Variants in SNX29 observed in about 807,000 individuals in gnomAD.
The protein encoded by SNX29 is sorting nexin 29.
SNX29 carries 78 observed loss-of-function variants against 102.1 expected under a neutral mutation model. The ratio of observed to expected loss-of-function variants is 0.76; its 90% CI spans 0.64 to 0.92. The LOEUF (loss-of-function observed/expected upper bound fraction) is 0.92, where lower values mean the gene tolerates loss of function less well. SNX29 is among the 40% of genes least tolerant of loss of function. The pLI, the probability that SNX29 is intolerant of heterozygous loss-of-function variation, is 0.00. For synonymous variants in SNX29, 580 were observed against 414.5 expected (o/e 1.40, Z -4.85); for missense variants, 1,280 against 1,061.7 (o/e 1.21, Z -2.86).
At chr16:12,337,294 G>A (rs1321013583) in intron 15 of SNX29, among the ~76,000 whole-genome samples, 1 of 151,924 alleles carries the variant, frequency 6.6e-6, no homozygotes, top group East Asian at 1.9e-4. Context: ...AGGTATAAAT[G>A]GTAACGGGAA....
intron 20 of SNX29, among the ~76,000 whole-genome samples, chr16:12,561,725 G>T (rs1321474628): frequency 6.6e-6 from 1 of 152,186 alleles, no homozygotes; most frequent in East Asian, 1.9e-4. Context: ...TAAGTTGCTA[G>T]CAGCAGGGAG....
intron 19 of SNX29, among the ~76,000 whole-genome samples, chr16:12,524,342 C>G (rs745567828): frequency 6.6e-6 from 1 of 151,802 alleles, no homozygotes; most frequent in Admixed American, 6.6e-5. Context: ...TTGTGTCTCC[C>G]TCGCTGGCCT....
intron 14 of SNX29, among the ~76,000 whole-genome samples, chr16:12,269,338 T>G (rs947894459): frequency 1.3e-5 from 2 of 152,162 alleles, no homozygotes; most frequent in African/African-American, 2.4e-5. Context: ...ATCTTCACAT[T>G]TGGCACGAGA....
intron 13 of SNX29, among the ~76,000 whole-genome samples, chr16:12,159,219 C>G (rs2055680032): frequency 6.6e-6 from 1 of 152,224 alleles, no homozygotes; most frequent in African/African-American, 2.4e-5. Flanking sequence ...GTTGATCTCT[C>G]TGCCTAATCC....
chr16:11,979,299 A>AAAAAAAG (rs2055366641), intron 1 of SNX29, among the ~76,000 whole-genome samples: 6 of 148,962 alleles, frequency 4.0e-5, no homozygotes, highest in Admixed American at 6.7e-5. Context: ...AAAAAAAAAA[A>AAAAAAAG]TCGTTACATC....
intron 19 of SNX29, among the ~76,000 whole-genome samples, chr16:12,507,959 G>A (rs1247290338): frequency 6.6e-6 from 1 of 152,186 alleles, no homozygotes; most frequent in Non-Finnish European, 1.5e-5. Context: ...AAACAAAGGT[G>A]CAAATGGGAC....
At chr16:12,218,820 T>G (rs1159437886) in intron 14 of SNX29, among the ~76,000 whole-genome samples, 3 of 152,112 alleles carry the variant, frequency 2.0e-5, no homozygotes, top group Admixed American at 6.6e-5. Flanking sequence ...TGTTGCCCAG[T>G]CTGGAGTGCA....
At chr16:12,061,683 AGC>A (rs1326547209) in intron 9 of SNX29, 37 bp downstream of exon 9, 1 of 1,561,416 alleles carries the variant, frequency 6.4e-7, no homozygotes, top group East Asian at 2.3e-5. Context: ...CTCCAATAAG[AGC>A]TTTGGCTTCG....
At chr16:12,268,548 T>C (rs765103444) in intron 14 of SNX29, among the ~76,000 whole-genome samples, 6 of 152,174 alleles carry the variant, frequency 3.9e-5, no homozygotes, top group Non-Finnish European at 8.8e-5. Context: ...AACCGGTGTC[T>C]TGTAGACATC....
intron 1 of SNX29, among the ~76,000 whole-genome samples, chr16:11,978,656 C>G (rs747849236): frequency 3.9e-5 from 6 of 152,132 alleles, no homozygotes; most frequent in Non-Finnish European, 8.8e-5. Flanking sequence ...TTACTATGAC[C>G]AAGGAGTCTT....
intron 16 of SNX29, among the ~76,000 whole-genome samples, chr16:12,382,038 A>G (rs934669704): frequency 7.9e-5 from 12 of 152,038 alleles, no homozygotes; most frequent in Non-Finnish European, 2.9e-5. Flanking sequence ...TATGTCTTCA[A>G]GCAGCTTCCA....
At chr16:12,204,403 G>A (rs1180817982) in intron 14 of SNX29, among the ~76,000 whole-genome samples, 1 of 152,192 alleles carries the variant, frequency 6.6e-6, no homozygotes, top group Non-Finnish European at 1.5e-5. Context: ...GTCTTTCCAA[G>A]TACAGTGTCT....
intron 20 of SNX29, among the ~76,000 whole-genome samples, chr16:12,537,816 C>G (rs897352786): frequency 6.6e-6 from 1 of 151,724 alleles, no homozygotes; most frequent in Non-Finnish European, 1.5e-5. Context: ...GAGGTGTGTC[C>G]ACAGCATATA....
intron 19 of SNX29, among the ~76,000 whole-genome samples, chr16:12,507,202 C>T (rs914894046): frequency 3.3e-5 from 5 of 152,224 alleles, no homozygotes; most frequent in Admixed American, 1.3e-4. Flanking sequence ...GATTGAAGCA[C>T]AGAGGGTCTG....
rs77913183 is a variant in SNX29 at position 12,529,459 on chromosome 16, A to G, written c.2318+4618A>G. The stretch of plus-strand genomic sequence containing the variant: ...ATTCGCTCAGTGAGACTGGACCGCA[A>G]ATCGGTGACAGCTTCAGTGATTTGC... On this transcript the variant is annotated intron_variant, in intron 20 of 20. Coordinates refer to ENST00000566228, the MANE Select transcript of SNX29 (RefSeq NM_032167.5). Among the ~76,000 whole-genome samples the G allele has an allele frequency of 4.5e-3, 684 of 152,286 alleles. 8 individuals are homozygous for G. Among genetic ancestry groups the G allele is most frequent in the Middle Eastern group, 0.031 (9 of 294 alleles).
intron 14 of SNX29, among the ~76,000 whole-genome samples, chr16:12,216,710 T>A (rs2077333701): frequency 6.8e-6 from 1 of 147,710 alleles, no homozygotes; most frequent in Non-Finnish European, 1.5e-5. Flanking sequence ...CCATGTGCCC[T>A]CCCCACCCCA....
intron 18 of SNX29, among the ~76,000 whole-genome samples, chr16:12,425,238 G>A (rs1462541315): frequency 1.3e-5 from 2 of 152,224 alleles, no homozygotes; most frequent in African/African-American, 4.8e-5. Flanking sequence ...AAAGTGAGGG[G>A]TCAGGAGAGA....
At chr16:12,108,816 T>C (rs1388107609) in intron 11 of SNX29, among the ~76,000 whole-genome samples, 1 of 151,984 alleles carries the variant, frequency 6.6e-6, no homozygotes, top group Non-Finnish European at 1.5e-5. Flanking sequence ...TATAACAGAG[T>C]ACTTGAAGTT....
chr16:12,465,253 T>C (rs2086998367), intron 18 of SNX29, among the ~76,000 whole-genome samples: 1 of 149,276 alleles, frequency 6.7e-6, no homozygotes, highest in Non-Finnish European at 1.5e-5. Flanking sequence ...TTTGCTTATA[T>C]TGCCTGTGCT....
Sources: allele counts gnomAD v4.1 joint callset (sites outside exome capture counted in the v4.1 genomes callset), GRCh38; gene constraint gnomAD v4.1.1; transcripts MANE v1.5; gene names NCBI Gene and HGNC (gene_info 2026-07-23, HGNC 2026-07-21).